SLC17A9: variants seen among roughly 807,000 people sequenced by gnomAD.
SLC17A9 encodes the protein voltage-gated purine nucleotide uniporter SLC17A9.
A neutral mutation model predicts 55.0 loss-of-function variants in SLC17A9; 49 were observed. The observed-to-expected ratio is 0.89, with a 90% CI of 0.71 to 1.13. The LOEUF is 1.13. Among genes scored for constraint, SLC17A9 ranks in the 50% most tolerant of loss-of-function variants. The pLI is 0.00. For synonymous variants in SLC17A9, 256 were observed against 247.4 expected (o/e 1.03, Z -0.32); for missense variants, 526 against 569.3 (o/e 0.92, Z 0.77).
intron 5 of SLC17A9, 85 bp from the exon 6 acceptor site, chr20:62,963,188 A>G: frequency 6.9e-7 from 1 of 1,439,430 alleles, no homozygotes; most frequent in South Asian, 1.2e-5. Flanking sequence ...ACCCCTCTGG[A>G]ACCACCCCCA....
At position 62,958,493 on chromosome 20, in the gene SLC17A9, C is replaced by T. The variant is rs943413895; in HGVS notation, c.397+913C>T. Among the ~76,000 whole-genome samples the T allele has an allele frequency of 1.3e-5, 2 of 152,078 alleles. No homozygotes were observed. Among genetic ancestry groups the T allele is most frequent in the African/African-American group, 4.8e-5 (2 of 41,406 alleles). The stretch of plus-strand genomic sequence containing the variant: ...CCTGGAGAAACAGCCAGGCCTCCAG[C>T]CTGCAGGGGCCTGCTGGCCCCAACC... On this transcript the variant is annotated intron_variant, in intron 3 of 12. Transcript: ENST00000370351. The surrounding 1 kb of genome is among the most constrained non-coding windows in gnomAD (Gnocchi z 4.1).
intron 2 of SLC17A9, chr20:62,957,183 C>A (rs1039098201): frequency 2.0e-6 from 2 of 984,614 alleles, no homozygotes; most frequent in African/African-American, 1.8e-5. Context: ...GCAGAAGACC[C>A]CCCCAGAGGA....
At chr20:62,967,091 G>A (rs779234532) in intron 12 of SLC17A9, 15 of 581,322 alleles carry the variant, frequency 2.6e-5, no homozygotes, top group African/African-American at 3.8e-5. Context: ...TCCTTTCAGC[G>A]GGACAAAGGG....
In SLC17A9 at chr20:62,962,829, A is replaced by C; in HGVS notation, c.628+75A>C. ...CCTCCTCCCCTGGTGGCAGCCGCTG[A>C]GCAGCCTGGAGCAGGAGCCCGGAGA... On this transcript the variant is annotated intron_variant, in intron 5 of 12. Coordinates refer to ENST00000370351, the MANE Select transcript of SLC17A9 (RefSeq NM_022082.4). The surrounding 1 kb of genome is among the most constrained non-coding windows in gnomAD (Gnocchi z 5.5). 1 of 1,566,602 alleles carries C rather than the reference A, an allele frequency of 6.4e-7. No individual in the cohort carries two copies. Among genetic ancestry groups the C allele is most frequent in the Non-Finnish European group, 8.7e-7 (1 of 1,154,464 alleles).
chr20:62,967,233 C>G, intron 12 of SLC17A9, 104 bp from the exon 13 acceptor site: 1 of 1,401,830 alleles, frequency 7.1e-7, no homozygotes. Flanking sequence ...CTATCAGGCG[C>G]TAGACCCCCA....
At chr20:62,957,303 T>C in intron 2 of SLC17A9, 138 bp from the exon 3 acceptor site, 8 of 1,483,304 alleles carry the variant, frequency 5.4e-6, no homozygotes, top group Non-Finnish European at 7.1e-6. Flanking sequence ...GAGGCAGCTC[T>C]GGGGTCATGA....
intron 1 of SLC17A9, among the ~76,000 whole-genome samples, chr20:62,956,248 T>C (rs947105022): frequency 2.6e-5 from 4 of 152,064 alleles, no homozygotes; most frequent in African/African-American, 4.8e-5. Context: ...TTGCAGAGAG[T>C]GCCGAGAAGG....
intron 12 of SLC17A9, 146 bp from the exon 13 acceptor site, chr20:62,967,178 CCACAGCTGGGACA>C: frequency 1.2e-6 from 1 of 847,984 alleles, no homozygotes; most frequent in Non-Finnish European, 1.9e-6. Flanking sequence ...TGAGCCTGAC[CCACAGCTGGGACA>C]CTGAATTCAG....
rs1488838812 is a variant in SLC17A9 at position 62,963,699 on chromosome 20, C to T, written c.822+19C>T. ...CGCCAAGGTGAGTCGGGGGCTCCCG[C>T]AGGGTGAAGGAGCGCCCAGAAGGCA... On this transcript the variant is annotated intron_variant, in intron 7 of 12. Coordinates refer to ENST00000370351, the MANE Select transcript of SLC17A9 (RefSeq NM_022082.4). The T allele has an allele frequency of 3.8e-6, 6 of 1,566,696 alleles. No individual in the cohort carries two copies. Among genetic ancestry groups the T allele is most frequent in the African/African-American group, 1.3e-5 (1 of 74,192 alleles).
In SLC17A9 at chr20:62,962,536, C is replaced by T. The variant is rs1406074372; in HGVS notation, c.498-88C>T. 9.9e-6 allele frequency: 15 copies of T among 1,517,734 alleles called. No individual in the cohort carries two copies. The highest frequency in any genetic ancestry group is 1.3e-5 in the South Asian group (1 of 79,548). The allele number at this position is 1,517,734 out of a possible 1,614,324, so 94.0% of individuals were successfully genotyped here. A position where few individuals can be genotyped will look rare whatever the true frequency, so the allele number is the denominator to read the frequency against. ...AACACCCTCTTCTCCAGGGGCTCAG[C>T]CTGCACCAGGGTGGGGTTTCTGAGA... On this transcript the variant is annotated intron_variant, in intron 4 of 12. Coordinates refer to ENST00000370351, the MANE Select transcript of SLC17A9 (RefSeq NM_022082.4). This position sits in a 1 kb window ranked among gnomAD's most constrained non-coding sequence, Gnocchi z 5.5.
chr20:62,968,036 C>T lies in SLC17A9; in HGVS notation c.*536C>T, dbSNP rs752430. The stretch of plus-strand genomic sequence containing the variant: ...TAAAGGTATCCCTGGCCTCCACCCA[C>T]CCCTAGCCAGCAGCTCCCAGTCAGA... On this transcript the variant is annotated 3_prime_UTR_variant, in exon 13 of 13. Transcript: ENST00000370351. 76,829 of 153,044 alleles carry T rather than the reference C, an allele frequency of 0.5. 20,083 individuals are homozygous for T. The highest frequency in any genetic ancestry group is 0.75 in the East Asian group (3,895 of 5,204). The allele number at this position is 153,044 out of a possible 1,614,324, so 9.5% of individuals were successfully genotyped here.
chr20:62,961,887 A>G (rs2065592153), intron 4 of SLC17A9, among the ~76,000 whole-genome samples: 1 of 152,116 alleles, frequency 6.6e-6, no homozygotes, highest in Non-Finnish European at 1.5e-5. Context: ...CTGGTGCCCA[A>G]GGCCAAGTCT....
At position 62,963,588 on chromosome 20, in the gene SLC17A9, G is replaced by T; in HGVS notation, c.730G>T (p.Ala244Ser). ...GTCCACCATTGGGCCCCGCAGGGCA[G>T]CCGTCGTCTCCCAGCTCTCTGCAGC... ...RLFRKPAVWA[A>S]VVSQLSAACS... The change falls in exon 7 of 13, where the codon GCC becomes TCC. Residue 244 changes from alanine (A) to serine (S), a missense_variant. Ala to Ser is a moderately conservative substitution (Grantham distance 99). Transcript: ENST00000370351. The T allele has an allele frequency of 6.3e-7, 1 of 1,592,290 alleles. No homozygotes were observed.
At position 62,962,944 on chromosome 20, in the gene SLC17A9, G is replaced by A. The variant is rs2065601833; in HGVS notation, c.628+190G>A. 10 of 824,336 alleles carry A rather than the reference G, an allele frequency of 1.2e-5. No homozygotes were observed. The Admixed American group carries it at 2.9e-4, about 24-fold the overall frequency. The allele number at this position is 824,336 out of a possible 1,614,324, so 51.1% of individuals were successfully genotyped here. A position where few individuals can be genotyped will look rare whatever the true frequency, so the allele number is the denominator to read the frequency against. ...CGGCTCCGCCACCCAATTCGATCTG[G>A]AAGGTTCCATCTAGGGCTAAGGCAG... On this transcript the variant is annotated intron_variant, in intron 5 of 12. Coordinates refer to ENST00000370351, the MANE Select transcript of SLC17A9 (RefSeq NM_022082.4). The surrounding 1 kb of genome is among the most constrained non-coding windows in gnomAD (Gnocchi z 5.5).
rs2065661043 is a variant in SLC17A9 at position 62,968,794 on chromosome 20, C to T, written c.*1294C>T. 1 of 152,250 alleles carries T rather than the reference C, an allele frequency of 6.6e-6. No individual in the cohort carries two copies. The highest frequency in any genetic ancestry group is 1.5e-5 in the Non-Finnish European group (1 of 68,066). The allele number at this position is 152,250 out of a possible 1,614,324, so 9.4% of individuals were successfully genotyped here. ...GCTGGGTTTCGGGGTTCCTTTGCCG[C>T]CAGGGGTCCTGCGTGTCCACAGATG... is the stretch of plus-strand genomic sequence containing the variant. On this transcript the variant is annotated 3_prime_UTR_variant, in exon 13 of 13. Transcript: ENST00000370351.
chr20:62,960,352 C>A, intron 3 of SLC17A9, 152 bp from the exon 4 acceptor site: 1 of 695,142 alleles, frequency 1.4e-6, no homozygotes, highest in East Asian at 2.8e-5. Context: ...CTCAGTGGCA[C>A]CAAAAGCCCT....
At chr20:62,963,841 C>A (rs1465205013) in intron 7 of SLC17A9, 161 bp downstream of exon 7, 1 of 675,694 alleles carries the variant, frequency 1.5e-6, no homozygotes, top group Non-Finnish European at 2.5e-6. Flanking sequence ...GGAGAGGACC[C>A]CGTCCATGCT....
chr20:62,955,264 C>T (rs770943909), intron 1 of SLC17A9, among the ~76,000 whole-genome samples: 74 of 151,934 alleles, frequency 4.9e-4, no homozygotes, highest in Non-Finnish European at 9.4e-4. Flanking sequence ...TCTCCTGCCT[C>T]AGCCTCCCAA....
intron 1 of SLC17A9, among the ~76,000 whole-genome samples, chr20:62,955,368 G>T (rs965275804): frequency 6.6e-6 from 1 of 151,932 alleles, no homozygotes; most frequent in Non-Finnish European, 1.5e-5. Context: ...GGCTGGTCTC[G>T]AACTCCTGAC....
Sources: allele counts gnomAD v4.1 joint callset (sites outside exome capture counted in the v4.1 genomes callset), GRCh38; gene constraint gnomAD v4.1.1; non-coding constraint Gnocchi (gnomAD v3.1); transcripts MANE v1.5; gene names NCBI Gene and HGNC (gene_info 2026-07-23, HGNC 2026-07-21).